AHCY: variants seen among roughly 807,000 people sequenced by gnomAD.
The protein encoded by AHCY is S-adenosyl-L-homocysteine hydrolase.
In AHCY, 24 loss-of-function variants were observed where a neutral mutation model predicts 45.4. That is an observed-to-expected ratio of 0.53 (90% confidence interval 0.38 to 0.74). The LOEUF is 0.74. Ranked by LOEUF, AHCY falls within the 30% of genes least tolerant of loss-of-function variation. AHCY has a pLI of 0.00. For synonymous variants in AHCY, 245 were observed against 235.1 expected (o/e 1.04, Z -0.39); for missense variants, 449 against 594.1 (o/e 0.76, Z 2.54).
chr20:34,302,938 C>T (rs1262099477), intron 1 of AHCY: 14 of 985,326 alleles, frequency 1.4e-5, no homozygotes, highest in African/African-American at 1.7e-5. Context: ...AGGTGCCAGC[C>T]GTCCCAGGCC....
At chr20:34,291,658 C>A in intron 4 of AHCY, 127 bp from the exon 5 acceptor site, 1 of 850,630 alleles carries the variant, frequency 1.2e-6, no homozygotes. Flanking sequence ...CCCACAGGCC[C>A]CCCAATCACC....
chr20:34,236,006 GAGAGAA>G, the AHCY span, among the ~76,000 whole-genome samples: 3 of 112,910 alleles, frequency 2.7e-5, no homozygotes, highest in African/African-American at 1.7e-4. Context: ...GAAGGAGAAA[GAGAGAA>G]AGAGAGAGAG....
At chr20:34,258,708 AT>A in the AHCY span, among the ~76,000 whole-genome samples, 17 of 78,374 alleles carry the variant, frequency 2.2e-4, 2 homozygotes, top group African/African-American at 7.8e-4. Context: ...ATATATATAT[AT>A]TATATATATT....
chr20:34,302,971 G>A (rs1047968012), intron 1 of AHCY: 28 of 985,336 alleles, frequency 2.8e-5, no homozygotes, highest in Non-Finnish European at 3.4e-5. Flanking sequence ...GCTCTCCCGC[G>A]GAGCACGCCG....
At chr20:34,260,100 A>T in the AHCY span, among the ~76,000 whole-genome samples, 6 of 151,798 alleles carry the variant, frequency 4.0e-5, no homozygotes, top group Admixed American at 6.6e-5. Context: ...TGGACAGCAG[A>T]GACCAGTGCA....
At chr20:34,297,688 T>C (rs932123999) in intron 1 of AHCY, among the ~76,000 whole-genome samples, 3 of 152,132 alleles carry the variant, frequency 2.0e-5, no homozygotes, top group Non-Finnish European at 2.9e-5. Flanking sequence ...CATTTTCTAC[T>C]CTCCTCAACC....
chr20:34,293,046 AT>A (rs2036452649), intron 3 of AHCY, among the ~76,000 whole-genome samples: 1 of 152,178 alleles, frequency 6.6e-6, no homozygotes, highest in Non-Finnish European at 1.5e-5. Flanking sequence ...TGGCCAAAAA[AT>A]GACTACGAGC....
chr20:34,287,125 C>T (rs916361019), intron 8 of AHCY, among the ~76,000 whole-genome samples: 4 of 152,170 alleles, frequency 2.6e-5, no homozygotes, highest in South Asian at 4.1e-4. Context: ...CAAGCTGCTC[C>T]AGAGGCCTAG....
chr20:34,307,376 G>GT (rs1568820780), upstream of AHCY, among the ~76,000 whole-genome samples: 1 of 151,496 alleles, frequency 6.6e-6, no homozygotes, highest in Non-Finnish European at 1.5e-5. Flanking sequence ...TTTGTTTTTT[G>GT]TTTTTTGTTT....
the AHCY span, among the ~76,000 whole-genome samples, chr20:34,272,042 C>T: frequency 1.4e-5 from 1 of 70,200 alleles, no homozygotes; most frequent in Non-Finnish European, 5.1e-5. Context: ...ATACAACGTG[C>T]CTCCAAAAAA....
chr20:34,300,199 G>T (rs1461627673), intron 1 of AHCY, among the ~76,000 whole-genome samples: 1 of 151,940 alleles, frequency 6.6e-6, no homozygotes, highest in Non-Finnish European at 1.5e-5. Flanking sequence ...AAACAATAAA[G>T]AAATAAATAC....
chr20:34,261,384 A>G, the AHCY span, among the ~76,000 whole-genome samples: 1 of 152,218 alleles, frequency 6.6e-6, no homozygotes, highest in African/African-American at 2.4e-5. Flanking sequence ...CTGTAATCCC[A>G]GCACTTTCGT....
chr20:34,238,495 C>A, the AHCY span, among the ~76,000 whole-genome samples: 3 of 152,062 alleles, frequency 2.0e-5, no homozygotes, highest in African/African-American at 7.2e-5. Flanking sequence ...ACAAAAAGTT[C>A]TTGTACTTTC....
At chr20:34,240,953 A>G in the AHCY span, among the ~76,000 whole-genome samples, 1 of 152,136 alleles carries the variant, frequency 6.6e-6, no homozygotes, top group Non-Finnish European at 1.5e-5. Context: ...GCTGAAAGCA[A>G]AGAGATGAGG....
intron 3 of AHCY, chr20:34,293,735 G>A (rs146545970): frequency 1.7e-4 from 66 of 389,330 alleles, no homozygotes; most frequent in African/African-American, 1.2e-3. Flanking sequence ...ACCCTAGGCA[G>A]TGAACCTCTT....
chr20:34,254,931 A>C, the AHCY span, among the ~76,000 whole-genome samples: 2 of 152,156 alleles, frequency 1.3e-5, no homozygotes, highest in Admixed American at 6.6e-5. Context: ...GTCCAACTGT[A>C]TGGTTCTACC....
chr20:34,291,571 A>G, intron 4 of AHCY, 40 bp from the exon 5 acceptor site: 1 of 1,549,660 alleles, frequency 6.5e-7, no homozygotes, highest in South Asian at 1.1e-5. Context: ...GAGATGCCAC[A>G]CCTGTGCTCA....
chr20:34,267,281 G>A, the AHCY span, among the ~76,000 whole-genome samples: 4 of 151,988 alleles, frequency 2.6e-5, no homozygotes, highest in Non-Finnish European at 5.9e-5. Flanking sequence ...ACGGTAATGA[G>A]ACTGAAGGGA....
chr20:34,296,081 C>T (rs1193774685), intron 1 of AHCY, among the ~76,000 whole-genome samples: 2 of 152,184 alleles, frequency 1.3e-5, no homozygotes, highest in Admixed American at 6.5e-5. Context: ...AAAAATGCTT[C>T]CCCACTCCTG....
Sources: gnomAD v4.1 joint callset for allele counts (sites outside exome capture counted in the v4.1 genomes callset) on GRCh38, gnomAD v4.1.1 for gene constraint, MANE v1.5 for transcripts, NCBI Gene and HGNC (gene_info 2026-07-23, HGNC 2026-07-21) for gene names.